Variants in OR51B5 observed in about 807,000 individuals in gnomAD.
OR51B5 encodes the protein olfactory receptor family 51 subfamily B member 5.
For missense variants in OR51B5, 456 were observed against 374.6 expected (o/e 1.22, Z -1.79); for synonymous variants, 186 against 144.8 (o/e 1.28, Z -2.04).
chr11:5,398,183 CTAAAACT>C (rs56858665), intron 1 of OR51B5, among the ~76,000 whole-genome samples: 57,455 of 147,000 alleles, frequency 0.39, 12,517 homozygotes, highest in Non-Finnish European at 0.5. Flanking sequence ...CACATGTACC[CTAAAACT>C]TAAAAGTATA....
intron 1 of OR51B5, among the ~76,000 whole-genome samples, chr11:5,401,934 TTTA>T (rs1849976478): frequency 6.6e-6 from 1 of 151,302 alleles, no homozygotes; most frequent in Non-Finnish European, 1.5e-5. Context: ...TTCCTTTTCT[TTTA>T]TTATTCTTTC....
At chr11:5,467,107 G>T (rs1851148940) in intron 1 of OR51B5, among the ~76,000 whole-genome samples, 1 of 152,108 alleles carries the variant, frequency 6.6e-6, no homozygotes, top group Admixed American at 6.5e-5. Flanking sequence ...ATCCTCTTAT[G>T]TTTATGAGCA....
chr11:5,479,623 T>C (rs1166324786), intron 1 of OR51B5, among the ~76,000 whole-genome samples: 2 of 152,032 alleles, frequency 1.3e-5, no homozygotes, highest in Non-Finnish European at 2.9e-5. Flanking sequence ...ATCCATCTCA[T>C]GTGCAGAGAC....
Position 5,501,874 on chromosome 11 carries a change from G to A in OR51B5, n.84+3695C>T, listed in dbSNP as rs561098652. Among the ~76,000 whole-genome samples the A allele has an allele frequency of 2.3e-5, 3 of 128,592 alleles. 1 individual carries two copies. Among genetic ancestry groups the A allele is most frequent in the East Asian group, 2.1e-4 (1 of 4,714 alleles). The allele number at this position is 128,592 out of a possible 152,430, so 84.4% of individuals were successfully genotyped here. On this transcript the variant is annotated intron_variant and non_coding_transcript_variant, in intron 1 of 4. Transcript: ENST00000415970. ...GTTGGTTTGCTGCACCCATGAACTG[G>A]TCATTTACATTAGGTATTTCTTCTA...
chr11:5,354,168 G>A (rs200748586), intron 1 of OR51B5, among the ~76,000 whole-genome samples: 2 of 152,024 alleles, frequency 1.3e-5, no homozygotes, highest in Non-Finnish European at 2.9e-5. Flanking sequence ...TCTTCTGTCT[G>A]TTACTGCTCT....
In OR51B5 at chr11:5,363,353, G is replaced by T. The variant is rs11037016; in HGVS notation, n.85-16443C>A. On this transcript the variant is annotated intron_variant and non_coding_transcript_variant, in intron 1 of 4. Transcript: ENST00000415970. The stretch of plus-strand genomic sequence containing the variant: ...AGTATTGGAATTACAGTTTTTTTTG[G>T]TTTTTGTTTTTTTTTACTTCAAGCT... 2.5e-3 allele frequency among the ~76,000 whole-genome samples: 272 copies of T among 110,604 alleles called. 7 individuals carry two copies. The highest frequency in any genetic ancestry group is 6.7e-3 in the South Asian group (22 of 3,280). 72.6% of individuals were successfully genotyped at this position (110,604 alleles called of 152,430 possible). A position where few individuals can be genotyped will look rare whatever the true frequency, so the allele number is the denominator to read the frequency against.
At chr11:5,413,399 G>A (rs10838067) in intron 1 of OR51B5, among the ~76,000 whole-genome samples, 55,068 of 152,026 alleles carry the variant, frequency 0.36, 10,095 homozygotes, top group South Asian at 0.4. Context: ...CCAAAGGAAT[G>A]CAGTTCTTCA....
intron 1 of OR51B5, among the ~76,000 whole-genome samples, chr11:5,395,944 C>T (rs549228664): frequency 4.6e-5 from 7 of 152,326 alleles, no homozygotes; most frequent in African/African-American, 1.7e-4. Flanking sequence ...TTGCTTCTAA[C>T]TGTACTCCAT....
At chr11:5,384,663 C>CT (rs928143827) in intron 1 of OR51B5, among the ~76,000 whole-genome samples, 10 of 152,312 alleles carry the variant, frequency 6.6e-5, no homozygotes, top group African/African-American at 2.4e-4. Flanking sequence ...ACACCCTCTC[C>CT]TTACTCTCAT....
chr11:5,382,117 A>T (rs939644868), intron 1 of OR51B5, among the ~76,000 whole-genome samples: 1 of 152,230 alleles, frequency 6.6e-6, no homozygotes, highest in African/African-American at 2.4e-5. Context: ...ACCATGTTTG[A>T]CATGTCATAT....
At chr11:5,456,637 A>T (rs1219732578) in intron 1 of OR51B5, 1 of 152,176 alleles carries the variant, frequency 6.6e-6, no homozygotes, top group Admixed American at 6.5e-5. Context: ...AATTTCAGGC[A>T]GTACATGTGC....
intron 1 of OR51B5, among the ~76,000 whole-genome samples, chr11:5,370,285 G>A (rs1317232378): frequency 6.6e-6 from 1 of 152,104 alleles, no homozygotes; most frequent in Non-Finnish European, 1.5e-5. Flanking sequence ...AATAAGTGAC[G>A]ATAGTATCTT....
chr11:5,345,120 C>A (rs561362377), upstream of OR51B5, among the ~76,000 whole-genome samples: 1 of 152,104 alleles, frequency 6.6e-6, no homozygotes, highest in African/African-American at 2.4e-5. Context: ...CAGACCACCA[C>A]GGAATTTTTG....
At chr11:5,456,943 C>A (rs1324497445) in intron 1 of OR51B5, among the ~76,000 whole-genome samples, 1 of 152,198 alleles carries the variant, frequency 6.6e-6, no homozygotes, top group African/African-American at 2.4e-5. Flanking sequence ...CTCTGGACAT[C>A]AGATGTGCCT....
chr11:5,343,410 C>CTTTA lies in OR51B5; in HGVS notation c.114_115insTAAA (p.Gly39Ter). 1 of 1,612,322 alleles carries CTTTA rather than the reference C, an allele frequency of 6.2e-7. No individual in the cohort carries two copies. The highest frequency in any genetic ancestry group is 8.5e-7 in the Non-Finnish European group (1 of 1,179,352). ...ATGAGAAGAAGGAGGGTGCCATTGCCAAAAAGGATGGATATATACATGAAC... is the reference window on the plus strand; with the variant it reads ...ATGAGAAGAAGGAGGGTGCCATTGCCTTTAAAAAAGGATGGATATATACATGAAC... On this transcript the variant is annotated stop_gained and frameshift_variant, in exon 1 of 1. Transcript: ENST00000300773. LOFTEE classifies it low-confidence loss of function (END_TRUNC).
chr11:5,457,160 T>C (rs1309964579), intron 1 of OR51B5, among the ~76,000 whole-genome samples: 2 of 152,206 alleles, frequency 1.3e-5, no homozygotes, highest in African/African-American at 2.4e-5. Context: ...TAGGCCTGAG[T>C]GTCTGCTGTT....
chr11:5,452,591 C>CGAGATATGGAG (rs71053260), intron 1 of OR51B5, among the ~76,000 whole-genome samples: 67,782 of 141,340 alleles, frequency 0.48, 16,247 homozygotes, highest in Non-Finnish European at 0.51. Flanking sequence ...AGCGACTTTA[C>CGAGATATGGAG]GAGATATGGA....
chr11:5,477,206 G>C (rs560873132), intron 1 of OR51B5, among the ~76,000 whole-genome samples: 1 of 152,326 alleles, frequency 6.6e-6, no homozygotes, highest in African/African-American at 2.4e-5. Flanking sequence ...GGGGAGATGA[G>C]TCTCTTGGGG....
chr11:5,386,840 CA>C (rs35934369), intron 1 of OR51B5, among the ~76,000 whole-genome samples: 62,969 of 151,612 alleles, frequency 0.42, 13,224 homozygotes, highest in South Asian at 0.54. Context: ...AGTAGAGCAT[CA>C]GCTCAAAAAT....
Sources: allele counts gnomAD v4.1 joint callset (sites outside exome capture counted in the v4.1 genomes callset), GRCh38; gene constraint gnomAD v4.1.1; transcripts MANE v1.5; gene names NCBI Gene and HGNC (gene_info 2026-07-23, HGNC 2026-07-21).